Variants in RGS17 observed in about 807,000 individuals in gnomAD.
RGS17 encodes regulator of G protein signaling 17, also known as regulator of G-protein signaling 17.
A neutral mutation model predicts 25.5 loss-of-function variants in RGS17; 12 were observed. The ratio of observed to expected loss-of-function variants is 0.47; its 90% CI spans 0.30 to 0.76. The LOEUF is 0.76. Ranked by LOEUF, RGS17 falls within the 30% of genes least tolerant of loss-of-function variation. The pLI is 0.07. For missense variants in RGS17, 196 were observed against 242.2 expected, an observed-to-expected ratio of 0.81 and a Z score of 1.27; for synonymous variants, 71 against 76.9, an observed-to-expected ratio of 0.92 and a Z score of 0.40.
intron 1 of RGS17, among the ~76,000 whole-genome samples, chr6:153,109,786 T>A (rs113859030): frequency 6.6e-6 from 1 of 152,230 alleles, no homozygotes; most frequent in Non-Finnish European, 1.5e-5. Context: ...AAACTTATCA[T>A]GCTATATGAG....
chr6:153,081,570 G>A (rs573177675), intron 1 of RGS17, among the ~76,000 whole-genome samples: 12 of 151,904 alleles, frequency 7.9e-5, no homozygotes, highest in African/African-American at 1.7e-4. Context: ...TTACTTATAC[G>A]GTTGGTTTTA....
intron 4 of RGS17, among the ~76,000 whole-genome samples, chr6:153,020,217 G>A (rs1347490669): frequency 4.7e-5 from 6 of 127,572 alleles, no homozygotes; most frequent in African/African-American, 1.5e-4. Flanking sequence ...GCAGTGGCAC[G>A]ATCTTGGCTC....
intron 3 of RGS17, among the ~76,000 whole-genome samples, chr6:153,025,665 T>C (rs1779292490): frequency 6.9e-6 from 1 of 144,854 alleles, no homozygotes; most frequent in African/African-American, 2.5e-5. Flanking sequence ...TAAAAACATA[T>C]ATATATAAAC....
At chr6:153,099,078 T>C (rs1315249416) in intron 1 of RGS17, among the ~76,000 whole-genome samples, 1 of 152,162 alleles carries the variant, frequency 6.6e-6, no homozygotes, top group Non-Finnish European at 1.5e-5. Flanking sequence ...ACTTGGATGA[T>C]GAATTATCTG....
At chr6:153,077,312 G>T (rs1776897974) in intron 1 of RGS17, among the ~76,000 whole-genome samples, 1 of 151,676 alleles carries the variant, frequency 6.6e-6, no homozygotes, top group South Asian at 2.1e-4. Flanking sequence ...CAGGGAGATT[G>T]TTCTAGGTGA....
At chr6:153,055,645 G>C (rs145816497) in intron 1 of RGS17, among the ~76,000 whole-genome samples, 15 of 152,104 alleles carry the variant, frequency 9.9e-5, no homozygotes, top group Admixed American at 1.3e-4. Context: ...TAGTCCTTAC[G>C]GTGAGGTGCA....
At chr6:153,083,638 A>T (rs553313043) in intron 1 of RGS17, among the ~76,000 whole-genome samples, 20 of 152,168 alleles carry the variant, frequency 1.3e-4, no homozygotes, top group Non-Finnish European at 2.9e-4. Flanking sequence ...CAAACAAGAA[A>T]CTGAATCAGT....
At chr6:153,026,337 C>A in intron 3 of RGS17, 117 bp downstream of exon 3, 1 of 578,974 alleles carries the variant, frequency 1.7e-6, no homozygotes, top group South Asian at 5.1e-5. Flanking sequence ...AATTTGCATT[C>A]ACTTCCCAAA....
chr6:153,106,382 G>A (rs9479510), intron 1 of RGS17, among the ~76,000 whole-genome samples: 1 of 151,222 alleles, frequency 6.6e-6, no homozygotes, highest in Non-Finnish European at 1.5e-5. Context: ...AACAGCTGAG[G>A]AAAGGCACAC....
chr6:153,125,948 A>G (rs563573956), intron 1 of RGS17, among the ~76,000 whole-genome samples: 9 of 152,366 alleles, frequency 5.9e-5, no homozygotes, highest in African/African-American at 2.2e-4. Flanking sequence ...CAAATTTGTC[A>G]AAAGTTATAG....
At chr6:153,014,469 A>G (rs897426762) in intron 4 of RGS17, among the ~76,000 whole-genome samples, 2 of 152,200 alleles carry the variant, frequency 1.3e-5, no homozygotes, top group East Asian at 3.8e-4. Context: ...CCCATGGATC[A>G]AGAAGTAATT....
Position 153,127,319 on chromosome 6 carries a change from C to A in RGS17, c.-26+3805G>T, listed in dbSNP as rs569055179. On this transcript the variant is annotated intron_variant, in intron 1 of 4. Transcript: ENST00000206262. ...TAGAATATGATTCAAATTCTTAAAACAATGGTACGTTTATATAAAGCAAAT... is the reference window on the plus strand; with the variant it reads ...TAGAATATGATTCAAATTCTTAAAAAAATGGTACGTTTATATAAAGCAAAT... Among the ~76,000 whole-genome samples the A allele has an allele frequency of 2.6e-3, 394 of 152,290 alleles. 1 individual carries two copies. The highest frequency in any genetic ancestry group is 9.1e-3 in the African/African-American group (377 of 41,560).
At position 153,004,725 on chromosome 6, in the gene RGS17, T is replaced by C. The variant is rs543753173; in HGVS notation, c.*6849A>G. 6.6e-6 allele frequency: 1 copy of C among 152,178 alleles called. No homozygotes were observed. Among genetic ancestry groups the C allele is most frequent in the East Asian group, 1.9e-4 (1 of 5,178 alleles). 9.4% of individuals were successfully genotyped at this position (152,178 alleles called of 1,614,324 possible). On this transcript the variant is annotated 3_prime_UTR_variant, in exon 5 of 5. Transcript: ENST00000206262. ...ATAGGTAAAATGATAAAATTGATTC[T>C]AGGAAGGGGGAAAAAAAAACCCAGA...
intron 1 of RGS17, among the ~76,000 whole-genome samples, chr6:153,075,995 C>A (rs187533206): frequency 5.0e-4 from 76 of 152,244 alleles, no homozygotes; most frequent in African/African-American, 1.7e-3. Context: ...AGTCAGATTT[C>A]TTAGAGTGTA....
At chr6:153,090,364 G>C (rs1347199709) in intron 1 of RGS17, among the ~76,000 whole-genome samples, 1 of 151,234 alleles carries the variant, frequency 6.6e-6, no homozygotes, top group East Asian at 1.9e-4. Context: ...TGTAATTCAA[G>C]GACTTCAGGA....
intron 1 of RGS17, among the ~76,000 whole-genome samples, chr6:153,077,879 ATT>A (rs149812866): frequency 3.4e-4 from 50 of 147,222 alleles, no homozygotes; most frequent in Non-Finnish European, 4.8e-4. Flanking sequence ...TATCTTTTTT[ATT>A]TTTTTTTTTT....
intron 1 of RGS17, among the ~76,000 whole-genome samples, chr6:153,111,267 G>A (rs1056859337): frequency 1.8e-4 from 27 of 152,122 alleles, no homozygotes; most frequent in Non-Finnish European, 2.9e-4. Context: ...AGGGGCGTCC[G>A]CCATTACTGA....
intron 1 of RGS17, among the ~76,000 whole-genome samples, chr6:153,062,597 T>C (rs1192557417): frequency 2.0e-5 from 3 of 152,098 alleles, no homozygotes; most frequent in Admixed American, 6.6e-5. Context: ...TAGTGCTGAA[T>C]TGGGTGCAGA....
rs182384629 is a variant in RGS17, at chr6:153,054,104, A to G, written c.-25-10061T>C. ...CACACAATATTTTTTATATATATAT[A>G]TATATATATGTGTATATATATATAT... On this transcript the variant is annotated intron_variant, in intron 1 of 4. Transcript: ENST00000206262. 1.0e-2 allele frequency among the ~76,000 whole-genome samples: 688 copies of G among 68,934 alleles called. 56 individuals are homozygous for G. The highest frequency in any genetic ancestry group is 0.024 in the South Asian group (39 of 1,644). The allele number at this position is 68,934 out of a possible 152,430, so 45.2% of individuals were successfully genotyped here.
Sources: allele counts gnomAD v4.1 joint callset (sites outside exome capture counted in the v4.1 genomes callset), GRCh38; gene constraint gnomAD v4.1.1; transcripts MANE v1.5; gene names NCBI Gene and HGNC (gene_info 2026-07-23, HGNC 2026-07-21).